The following UTRN variants were observed in gnomAD, a reference collection of about 807,000 sequenced individuals.
UTRN encodes dystrophin-related protein 1.
Under a neutral mutation model 463.9 loss-of-function variants are expected in UTRN, and 283 were observed. That is an observed-to-expected ratio of 0.61 (90% confidence interval 0.55 to 0.67). The LOEUF (loss-of-function observed/expected upper bound fraction) is 0.67, where lower values mean the gene tolerates loss of function less well. Among genes scored for constraint, UTRN ranks in the 30% least tolerant of loss-of-function variants. The probability of loss-of-function intolerance (pLI) is 0.00; values close to 1 mark genes in which losing one functional copy is unlikely to be tolerated. For missense variants in UTRN, 3,922 were observed against 4,084.3 expected, an observed-to-expected ratio of 0.96 and a Z score of 1.08; for synonymous variants, 1,442 against 1,431.5, an observed-to-expected ratio of 1.01 and a Z score of -0.17.
intron 3 of UTRN, among the ~76,000 whole-genome samples, chr6:144,407,849 G>A (rs1296375661): frequency 6.6e-6 from 1 of 152,192 alleles, no homozygotes; most frequent in Non-Finnish European, 1.5e-5. Flanking sequence ...AAGTCATAGT[G>A]TAGAGTAAAT....
chr6:144,814,137 G>GTGTT (rs1030052439), intron 65 of UTRN, among the ~76,000 whole-genome samples: 3 of 152,194 alleles, frequency 2.0e-5, no homozygotes, highest in African/African-American at 7.2e-5. Context: ...TAGTGTGATA[G>GTGTT]TGTTAGGAGA....
intron 50 of UTRN, among the ~76,000 whole-genome samples, chr6:144,558,337 A>C (rs1056220162): frequency 3.9e-5 from 6 of 152,192 alleles, no homozygotes; most frequent in Non-Finnish European, 8.8e-5. Flanking sequence ...CTGGGTTAGC[A>C]AAGACAAAAC....
chr6:144,835,668 G>C, intron 69 of UTRN, 112 bp from the exon 70 acceptor site: 1 of 1,449,986 alleles, frequency 6.9e-7, no homozygotes. Flanking sequence ...TGAGCTCTAA[G>C]ACAAACTTGG....
Position 144,730,377 on chromosome 6 carries a change from G to C in UTRN, c.7830G>C (p.Lys2610Asn), listed in dbSNP as rs748893319. Reference sequence around the variant, plus strand: ...GAAAGGCCCTGAGACGGGAGTTAAAGGAGAAAGAATATTCTGTCCTGAATG... The same window carrying C: ...GAAAGGCCCTGAGACGGGAGTTAAACGAGAAAGAATATTCTGTCCTGAATG... ...DHCKALRREL[K>N]EKEYSVLNAV... Residue 2610 changes from lysine (K) to asparagine (N), a missense_variant, in exon 54 of 75, where the codon AAG (lysine) becomes AAC (asparagine). Physicochemically the swap from Lys to Asn is moderately conservative, Grantham distance 94. Around this residue, in one of 3 missense-constraint regions of UTRN, gnomAD observed 1,309 missense variants for 1,452.6 expected, o/e 0.90. Transcript: ENST00000367545. 2.5e-6 allele frequency: 4 copies of C among 1,606,764 alleles called. No individual in the cohort carries two copies. Among genetic ancestry groups the C allele is most frequent in the Non-Finnish European group, 3.4e-6 (4 of 1,176,268 alleles).
At chr6:144,394,962 C>G (rs1262854523) in intron 2 of UTRN, among the ~76,000 whole-genome samples, 1 of 152,062 alleles carries the variant, frequency 6.6e-6, no homozygotes, top group Non-Finnish European at 1.5e-5. Flanking sequence ...ATGGTTTTTA[C>G]ATTCAAAATG....
At chr6:144,572,864 G>A (rs143993677) in intron 50 of UTRN, among the ~76,000 whole-genome samples, 92 of 152,240 alleles carry the variant, frequency 6.0e-4, no homozygotes, top group Admixed American at 5.8e-3. Flanking sequence ...ACATACATGT[G>A]CATGTGTCTT....
intron 2 of UTRN, among the ~76,000 whole-genome samples, chr6:144,378,222 G>A (rs1023944155): frequency 6.6e-6 from 1 of 151,672 alleles, no homozygotes; most frequent in Non-Finnish European, 1.5e-5. Flanking sequence ...ACAGATTCAT[G>A]TTCTTTCTAT....
intron 53 of UTRN, chr6:144,708,280 G>A: frequency 1.5e-6 from 1 of 661,222 alleles, no homozygotes. Flanking sequence ...CAATAGAGTT[G>A]TAAGTACTGA....
intron 53 of UTRN, among the ~76,000 whole-genome samples, chr6:144,714,244 G>A (rs2128705232): frequency 6.6e-6 from 1 of 152,000 alleles, no homozygotes; most frequent in South Asian, 2.1e-4. Context: ...CTTTTTTGCT[G>A]TCATTCTGTA....
At chr6:144,541,086 T>A (rs1358916631) in intron 45 of UTRN, among the ~76,000 whole-genome samples, 1 of 152,244 alleles carries the variant, frequency 6.6e-6, no homozygotes, top group Non-Finnish European at 1.5e-5. Context: ...CCCTTTGTTA[T>A]TCTGTTCTAG....
Position 144,338,106 on chromosome 6 carries a change from C to T in UTRN, c.79+46199C>T, listed in dbSNP as rs79236873. 8.2e-3 allele frequency among the ~76,000 whole-genome samples: 1,242 copies of T among 152,290 alleles called. 20 individuals are homozygous for T. The highest frequency in any genetic ancestry group is 0.028 in the African/African-American group (1,178 of 41,550). ...GAGAAATCACTCAGCCCATGAAGTACCATCCTTGACATTACTTTTTTGGGT... is the reference window on the plus strand; with the variant it reads ...GAGAAATCACTCAGCCCATGAAGTATCATCCTTGACATTACTTTTTTGGGT... On this transcript the variant is annotated intron_variant, in intron 2 of 74. Coordinates refer to ENST00000367545, the MANE Select transcript of UTRN (RefSeq NM_007124.3).
chr6:144,811,133 T>C (rs1240354652), intron 65 of UTRN, among the ~76,000 whole-genome samples: 1 of 152,004 alleles, frequency 6.6e-6, no homozygotes, highest in South Asian at 2.1e-4. Flanking sequence ...CTATATGCCA[T>C]TGGCAAAAAT....
intron 65 of UTRN, among the ~76,000 whole-genome samples, chr6:144,818,353 A>G (rs1406112973): frequency 6.7e-6 from 1 of 149,134 alleles, no homozygotes; most frequent in Non-Finnish European, 1.5e-5. Context: ...TTTTAACTTT[A>G]TGAATTCACT....
rs191700021 is a variant in UTRN at position 144,470,464 on chromosome 6, G to C, written c.3067-3256G>C. Among the ~76,000 whole-genome samples the C allele has an allele frequency of 6.2e-3, 940 of 152,068 alleles. 3 individuals are homozygous for C. The highest frequency in any genetic ancestry group is 0.01 in the Non-Finnish European group (700 of 67,964). ...GGGCAGAGGCGCTCCTCACATCCCA[G>C]ATAGGGCGGCGGGGCAGAGACGCTC... On this transcript the variant is annotated intron_variant, in intron 23 of 74. Coordinates refer to ENST00000367545, the MANE Select transcript of UTRN (RefSeq NM_007124.3).
intron 51 of UTRN, among the ~76,000 whole-genome samples, chr6:144,607,817 G>A (rs1428002394): frequency 6.6e-6 from 1 of 152,178 alleles, no homozygotes; most frequent in South Asian, 2.1e-4. Context: ...GGAAGAGATT[G>A]AAACAAGAAC....
chr6:144,471,036 G>A (rs1308091455), intron 23 of UTRN, among the ~76,000 whole-genome samples: 2 of 125,460 alleles, frequency 1.6e-5, no homozygotes, highest in Non-Finnish European at 1.7e-5. Flanking sequence ...AGGGAGACGA[G>A]GGAGGGGGAG....
chr6:144,491,193 AT>A, intron 32 of UTRN, 91 bp downstream of exon 32: 1 of 1,253,918 alleles, frequency 8.0e-7, no homozygotes. Context: ...GTGTCCAGTG[AT>A]CACTAGTCTA....
At chr6:144,578,245 C>T (rs1339882085) in intron 51 of UTRN, among the ~76,000 whole-genome samples, 1 of 152,164 alleles carries the variant, frequency 6.6e-6, no homozygotes, top group Non-Finnish European at 1.5e-5. Flanking sequence ...ATGGGGAAGT[C>T]TCCTTGTCAA....
At chr6:144,628,170 T>A (rs1776144782) in intron 51 of UTRN, among the ~76,000 whole-genome samples, 1 of 152,198 alleles carries the variant, frequency 6.6e-6, no homozygotes, top group Non-Finnish European at 1.5e-5. Flanking sequence ...CATCTATGGG[T>A]ACTTGGGTTT....
Sources: gnomAD v4.1 joint callset for allele counts (sites outside exome capture counted in the v4.1 genomes callset) on GRCh38, gnomAD v4.1.1 for gene constraint, gnomAD v4.1.1 regional missense constraint, MANE v1.5 for transcripts, NCBI Gene and HGNC (gene_info 2026-07-23, HGNC 2026-07-21) for gene names.